SIPA1L1: variants seen among roughly 807,000 people sequenced by gnomAD.
SIPA1L1 encodes signal-induced proliferation-associated 1-like protein 1.
In SIPA1L1, 26 loss-of-function variants were observed where a neutral mutation model predicts 162.7. The observed-to-expected ratio is 0.16, with a 90% CI of 0.12 to 0.22. The LOEUF (loss-of-function observed/expected upper bound fraction) is 0.22, where lower values mean the gene tolerates loss of function less well. SIPA1L1 is among the 10% of genes least tolerant of loss of function. The pLI is 1.00. For synonymous variants in SIPA1L1, 829 were observed against 837.4 expected, an observed-to-expected ratio of 0.99 and a Z score of 0.17; for missense variants, 1,874 against 2,241.0, an observed-to-expected ratio of 0.84 and a Z score of 3.31.
chr14:71,632,295 T>C (rs1200349144), intron 7 of SIPA1L1, among the ~76,000 whole-genome samples: 1 of 152,196 alleles, frequency 6.6e-6, no homozygotes, highest in Admixed American at 6.5e-5. Flanking sequence ...TATCCCAGTC[T>C]TGGGCTGAAG....
intron 13 of SIPA1L1, among the ~76,000 whole-genome samples, chr14:71,687,406 A>T (rs953738284): frequency 2.0e-5 from 3 of 152,204 alleles, no homozygotes; most frequent in African/African-American, 7.2e-5. Context: ...AGATGAACCT[A>T]GGAAATCACT....
rs752722054 is a variant in SIPA1L1 at position 71,587,947 on chromosome 14, C to G, written c.75C>G (p.Gly25=). ...GGGCCTCTGTTGTTGGCACAGACGG[C>G]ACCCCCAAAGTCCACACTGATGATT... ...TDRASVVGTD[G]TPKVHTDDFY... is the part of the protein sequence containing the mutation. The change falls in exon 5 of 24, where the codon GGC becomes GGG. Residue 25 remains glycine, a synonymous_variant. Coordinates refer to ENST00000381232, the MANE Select transcript of SIPA1L1 (RefSeq NM_001386936.1). 4 of 1,613,988 alleles carry G rather than the reference C, an allele frequency of 2.5e-6. No individual in the cohort carries two copies. Among genetic ancestry groups the G allele is most frequent in the Non-Finnish European group, 3.4e-6 (4 of 1,179,922 alleles).
chr14:71,418,718 A>G (rs762941984), intron 2 of SIPA1L1, among the ~76,000 whole-genome samples: 1 of 152,186 alleles, frequency 6.6e-6, no homozygotes, highest in Non-Finnish European at 1.5e-5. Context: ...ATCCCTCAGC[A>G]TATTTTATAT....
chr14:71,399,125 C>T (rs2041460628), intron 2 of SIPA1L1, among the ~76,000 whole-genome samples: 1 of 151,700 alleles, frequency 6.6e-6, no homozygotes, highest in East Asian at 1.9e-4. Context: ...TAGGACTGAC[C>T]ACTATGATGC....
In SIPA1L1 at chr14:71,741,117, C is replaced by T. The variant is rs1047006131; in HGVS notation, c.*1956C>T. On this transcript the variant is annotated 3_prime_UTR_variant, in exon 24 of 24. Transcript: ENST00000381232. The stretch of plus-strand genomic sequence containing the variant: ...ATAACTCATTGACCCTCCTTGCATC[C>T]GAATTTTTTCATCAAGCTTTGTTAA... 2.6e-5 allele frequency: 4 copies of T among 152,238 alleles called. No individual in the cohort carries two copies. The highest frequency in any genetic ancestry group is 2.1e-4 in the South Asian group (1 of 4,824). The allele number at this position is 152,238 out of a possible 1,614,324, so 9.4% of individuals were successfully genotyped here. A position where few individuals can be genotyped will look rare whatever the true frequency, so the allele number is the denominator to read the frequency against.
At chr14:71,567,642 A>G (rs1474389566) in intron 4 of SIPA1L1, among the ~76,000 whole-genome samples, 1 of 150,604 alleles carries the variant, frequency 6.6e-6, no homozygotes, top group Non-Finnish European at 1.5e-5. Context: ...CAATTTCCAG[A>G]ACTGAGGGTA....
At chr14:71,441,153 C>T (rs1195560870) in intron 2 of SIPA1L1, among the ~76,000 whole-genome samples, 2 of 152,156 alleles carry the variant, frequency 1.3e-5, no homozygotes, top group Non-Finnish European at 2.9e-5. Flanking sequence ...TTTGAGGTGA[C>T]TGGAAACATG....
At chr14:71,649,993 A>C (rs2042489170) in intron 7 of SIPA1L1, among the ~76,000 whole-genome samples, 1 of 152,242 alleles carries the variant, frequency 6.6e-6, no homozygotes, top group African/African-American at 2.4e-5. Context: ...CACCATAAAA[A>C]AAGAATTGCC....
chr14:71,554,953 A>G (rs2056218003), intron 4 of SIPA1L1, among the ~76,000 whole-genome samples: 1 of 152,224 alleles, frequency 6.6e-6, no homozygotes, highest in Non-Finnish European at 1.5e-5. Context: ...ATTTAAAAAA[A>G]AAACAACAAT....
At chr14:71,436,626 T>C (rs2044397531) in intron 2 of SIPA1L1, among the ~76,000 whole-genome samples, 1 of 152,026 alleles carries the variant, frequency 6.6e-6, no homozygotes, top group Non-Finnish European at 1.5e-5. Flanking sequence ...ACCTTTTAAA[T>C]TATTATATAT....
chr14:71,444,475 C>G (rs1057264697), intron 2 of SIPA1L1, among the ~76,000 whole-genome samples: 1 of 152,138 alleles, frequency 6.6e-6, no homozygotes, highest in African/African-American at 2.4e-5. Context: ...TCTCCTAATT[C>G]ATGGTTCTCA....
chr14:71,613,690 A>G (rs185317726), intron 5 of SIPA1L1, among the ~76,000 whole-genome samples: 1 of 152,312 alleles, frequency 6.6e-6, no homozygotes, highest in East Asian at 1.9e-4. Context: ...CTTCCCTGCT[A>G]AACTTTTCAC....
intron 7 of SIPA1L1, among the ~76,000 whole-genome samples, chr14:71,628,251 A>C (rs546803550): frequency 6.6e-6 from 1 of 152,360 alleles, no homozygotes; most frequent in East Asian, 1.9e-4. Flanking sequence ...ATTTTTCTTC[A>C]ACAGTCATTT....
intron 2 of SIPA1L1, among the ~76,000 whole-genome samples, chr14:71,362,118 G>C (rs1384472531): frequency 2.0e-5 from 3 of 152,202 alleles, no homozygotes; most frequent in Non-Finnish European, 4.4e-5. Flanking sequence ...AAGAGATGCT[G>C]CTGTGTTCAA....
intron 4 of SIPA1L1, among the ~76,000 whole-genome samples, chr14:71,563,632 C>A (rs1016878268): frequency 2.6e-5 from 4 of 152,116 alleles, no homozygotes; most frequent in African/African-American, 9.7e-5. Flanking sequence ...GTTCTCAATC[C>A]TATTATTATT....
rs57686599 is a variant in SIPA1L1, at chr14:71,339,026, C to T, written c.-465+17845C>T. On this transcript the variant is annotated intron_variant, in intron 2 of 23. Coordinates refer to ENST00000381232, the MANE Select transcript of SIPA1L1 (RefSeq NM_001386936.1). Reference sequence around the variant, plus strand: ...AAGTGCTGGGATTACAGGTGTGAGCCACTGTGCATGGCCAGATTACCAGAT... The same window carrying T: ...AAGTGCTGGGATTACAGGTGTGAGCTACTGTGCATGGCCAGATTACCAGAT... Among the ~76,000 whole-genome samples the T allele has an allele frequency of 9.1e-3, 1,386 of 152,218 alleles. 23 individuals carry two copies. The highest frequency in any genetic ancestry group is 0.032 in the African/African-American group (1,331 of 41,538).
chr14:71,574,917 T>C (rs2147112592), intron 4 of SIPA1L1: 1 of 152,162 alleles, frequency 6.6e-6, no homozygotes, highest in South Asian at 2.1e-4. Flanking sequence ...AAAATGTATG[T>C]ATATTTGCAT....
intron 4 of SIPA1L1, among the ~76,000 whole-genome samples, chr14:71,548,425 G>A (rs962288150): frequency 6.6e-6 from 1 of 152,124 alleles, no homozygotes; most frequent in Non-Finnish European, 1.5e-5. Context: ...GTGGGGAGGA[G>A]TGTGGTGATC....
rs534368611 is a variant in SIPA1L1, at chr14:71,417,053, C to G, written c.-464-95690C>G. Among the ~76,000 whole-genome samples the G allele has an allele frequency of 2.0e-5, 3 of 152,140 alleles. No individual in the cohort carries two copies. In the East Asian group the frequency reaches 5.8e-4, roughly 29 times the overall value. On this transcript the variant is annotated intron_variant, in intron 2 of 23. Coordinates refer to ENST00000381232, the MANE Select transcript of SIPA1L1 (RefSeq NM_001386936.1). Reference sequence around the variant, plus strand: ...GGCATGAACCACCGTGCCTGGCCTGCATGTAACTTTCGACTCCTCCAGAAC... The same window carrying G: ...GGCATGAACCACCGTGCCTGGCCTGGATGTAACTTTCGACTCCTCCAGAAC...
Sources: allele counts gnomAD v4.1 joint callset (sites outside exome capture counted in the v4.1 genomes callset), GRCh38; gene constraint gnomAD v4.1.1; transcripts MANE v1.5; gene names NCBI Gene and HGNC (gene_info 2026-07-23, HGNC 2026-07-21).